PTPRF: variants seen among roughly 807,000 people sequenced by gnomAD.
PTPRF encodes the protein protein tyrosine phosphatase receptor type F.
In PTPRF, 59 loss-of-function variants were observed where a neutral mutation model predicts 201.8. The ratio of observed to expected loss-of-function variants is 0.29; its 90% CI spans 0.24 to 0.36. The LOEUF (loss-of-function observed/expected upper bound fraction) is 0.36, where lower values mean the gene tolerates loss of function less well. PTPRF is among the 10% of genes least tolerant of loss of function. PTPRF has a pLI of 1.00. For missense variants in PTPRF, 2,132 were observed against 2,690.5 expected (o/e 0.79, Z 4.59); for synonymous variants, 1,088 against 1,089.7 (o/e 1.00, Z 0.03).
rs1378106856 is a variant in PTPRF, at chr1:43,553,413, C to T, written c.92-79C>T. 6.8e-7 allele frequency: 1 copy of T among 1,466,346 alleles called. No homozygotes were observed. The highest frequency in any genetic ancestry group is 1.4e-5 in the African/African-American group (1 of 70,888). The allele number at this position is 1,466,346 out of a possible 1,614,324, so 90.8% of individuals were successfully genotyped here. ...TTTCTTTGTAGGTCTTTCTCTCTGCCCCCATGACTGCCACCTTCCTCACTG... is the reference window on the plus strand; with the variant it reads ...TTTCTTTGTAGGTCTTTCTCTCTGCTCCCATGACTGCCACCTTCCTCACTG... On this transcript the variant is annotated intron_variant, in intron 3 of 33. Coordinates refer to ENST00000359947, the MANE Select transcript of PTPRF (RefSeq NM_002840.5). This position sits in a 1 kb window ranked among gnomAD's most constrained non-coding sequence, Gnocchi z 4.1.
intron 5 of PTPRF, among the ~76,000 whole-genome samples, chr1:43,558,434 C>T (rs1645545942): frequency 6.6e-6 from 1 of 152,124 alleles, no homozygotes. Context: ...CACCTCGCAT[C>T]TGAGCAGGAT....
In PTPRF at chr1:43,597,870, T is replaced by C; in HGVS notation, c.1936T>C (p.Tyr646His). The change falls in exon 12 of 34, where the codon TAC (tyrosine) becomes CAC (histidine). Residue 646 changes from tyrosine to histidine, a missense_variant. Physicochemically the swap from Tyr to His is moderately conservative, Grantham distance 83 (BLOSUM62 2). Transcript: ENST00000359947. ...CGTTATCACCCAGTACTCCGTGGCC[T>C]ACGAGGCGGTGGACGGCGAGGACCG... ...NGVITQYSVA[Y>H]EAVDGEDRGR... The C allele has an allele frequency of 1.2e-6, 2 of 1,608,638 alleles. No individual in the cohort carries two copies. The highest frequency in any genetic ancestry group is 1.7e-6 in the Non-Finnish European group (2 of 1,178,064).
chr1:43,566,036 C>A (rs1038684332), intron 5 of PTPRF, among the ~76,000 whole-genome samples: 1 of 152,210 alleles, frequency 6.6e-6, no homozygotes, highest in East Asian at 1.9e-4. Context: ...TTGCGACTGT[C>A]CACGTGTGGG....
intron 21 of PTPRF, among the ~76,000 whole-genome samples, chr1:43,607,453 G>C (rs1401978019): frequency 6.6e-6 from 1 of 152,186 alleles, no homozygotes; most frequent in Non-Finnish European, 1.5e-5. Flanking sequence ...GGCCTGCTGT[G>C]CCCGTGCCAT....
chr1:43,620,429 T>G (rs1658933376), intron 30 of PTPRF, 25 bp from the exon 31 acceptor site: 1 of 1,597,572 alleles, frequency 6.3e-7, no homozygotes, highest in Non-Finnish European at 8.6e-7. Context: ...CACCTGATTA[T>G]GGGGGCCCGA....
At position 43,541,455 on chromosome 1, in the gene PTPRF, C is replaced by T. The variant is rs917096223; in HGVS notation, c.-46+3178C>T. On this transcript the variant is annotated intron_variant, in intron 2 of 33. Transcript: ENST00000359947. ...GTGAATCTTCTGTGACGTTCATATG[C>T]GAATGCTGTGGCTTGGTCTAGTGCC... Among the ~76,000 whole-genome samples, 151 of 152,240 alleles carry T rather than the reference C, an allele frequency of 9.9e-4. 2 individuals carry two copies. Among genetic ancestry groups the T allele is most frequent in the Non-Finnish European group, 3.1e-4 (21 of 68,018 alleles).
chr1:43,568,044 C>T lies in PTPRF; in HGVS notation c.380-1546C>T, dbSNP rs376291966. 4.6e-5 allele frequency among the ~76,000 whole-genome samples: 7 copies of T among 152,186 alleles called. No individual in the cohort carries two copies. The East Asian group carries it at 1.2e-3, about 25-fold the overall frequency. ...GGCCTGGTGGCTCACAGCTGTAATC[C>T]CAGCACTTTGGGAGGCCGAGGCGGG... On this transcript the variant is annotated intron_variant, in intron 5 of 33. Coordinates refer to ENST00000359947, the MANE Select transcript of PTPRF (RefSeq NM_002840.5).
chr1:43,614,110 AC>A (rs1338156022), intron 23 of PTPRF, among the ~76,000 whole-genome samples: 1 of 152,226 alleles, frequency 6.6e-6, no homozygotes, highest in African/African-American at 2.4e-5. Context: ...CGGTCTGGGC[AC>A]TTGGCATGCA....
Position 43,591,870 on chromosome 1 carries a change from C to G in PTPRF, c.1590C>G (p.Leu530=). ...TGGAGTCGGACACCAGGATCCAGCT[C>G]TCGTGGCTGCTGCCCCCTCAGGAGC... ...AEVESDTRIQ[L]SWLLPPQERI... is the part of the protein sequence containing the mutation. Residue 530 remains leucine (L), a synonymous_variant, in exon 10 of 34, where the codon CTC becomes CTG. Coordinates refer to ENST00000359947, the MANE Select transcript of PTPRF (RefSeq NM_002840.5). 6.2e-7 allele frequency: 1 copy of G among 1,613,538 alleles called. No homozygotes were observed.
intron 5 of PTPRF, among the ~76,000 whole-genome samples, chr1:43,557,437 C>G (rs1645454642): frequency 6.6e-6 from 1 of 152,136 alleles, no homozygotes; most frequent in African/African-American, 2.4e-5. Flanking sequence ...AGTTCGAGAC[C>G]AGCCTGGCCA....
chr1:43,605,419 A>G lies in PTPRF; in HGVS notation c.3365A>G (p.His1122Arg). 1.9e-6 allele frequency: 3 copies of G among 1,611,598 alleles called. No homozygotes were observed. The highest frequency in any genetic ancestry group is 2.5e-6 in the Non-Finnish European group (3 of 1,177,958). The change falls in exon 18 of 34, where the codon CAT (histidine) becomes CGT (arginine). Residue 1122 changes from histidine (H) to arginine (R), a missense_variant. By Grantham distance (29) the His-to-Arg change is conservative. Around this residue, in one of 6 missense-constraint regions of PTPRF, gnomAD observed 818 missense variants for 915.3 expected, o/e 0.89. Coordinates refer to ENST00000359947, the MANE Select transcript of PTPRF (RefSeq NM_002840.5). ...EDGRFDLSMP[H>R]VQDPSLVRWF... ...GGCCGCTTCGATCTCTCCATGCCCC[A>G]TGTGCAAGACCCCTCGCTTGTCAGG...
In PTPRF at chr1:43,548,890, A is replaced by G. The variant is rs192051974; in HGVS notation, c.91+3724A>G. On this transcript the variant is annotated intron_variant, in intron 3 of 33. Coordinates refer to ENST00000359947, the MANE Select transcript of PTPRF (RefSeq NM_002840.5). ...ACAAAATAGCAGTCAGTCTCTCCAT[A>G]GAAGAGCCTTGATGGTGGCCCAGTT... Among the ~76,000 whole-genome samples the G allele has an allele frequency of 5.3e-5, 8 of 152,322 alleles. No homozygotes were observed. The East Asian group carries it at 1.5e-3, about 29-fold the overall frequency.
rs2842181 is a variant in PTPRF, at chr1:43,554,857, C to T, written c.379+916C>T. 0.3 allele frequency among the ~76,000 whole-genome samples: 39,960 copies of T among 132,856 alleles called. 6,597 individuals are homozygous for T. Among genetic ancestry groups the T allele is most frequent in the African/African-American group, 0.47 (15,318 of 32,778 alleles). The allele number at this position is 132,856 out of a possible 152,430, so 87.2% of individuals were successfully genotyped here. ...TTTTTTTTCTTTTCTTTCTTTCTTTCTTTTTTTTTTTTTGAGATGCAGTCT... is the reference window on the plus strand; with the variant it reads ...TTTTTTTTCTTTTCTTTCTTTCTTTTTTTTTTTTTTTTTGAGATGCAGTCT... On this transcript the variant is annotated intron_variant, in intron 5 of 33. Transcript: ENST00000359947. This position sits in a 1 kb window ranked among gnomAD's most constrained non-coding sequence, Gnocchi z 4.1.
chr1:43,557,723 T>C lies in PTPRF; in HGVS notation c.379+3782T>C, dbSNP rs1404326518. Among the ~76,000 whole-genome samples the C allele has an allele frequency of 2.0e-5, 3 of 151,358 alleles. No homozygotes were observed. In the East Asian group the frequency reaches 5.9e-4, roughly 30 times the overall value. ...AGTATATGTTTGCGCTTCTGGGGTG[T>C]GAGAAGTGTCTGATGAGGCTGGGGA... On this transcript the variant is annotated intron_variant, in intron 5 of 33. Transcript: ENST00000359947.
chr1:43,570,353 G>C (rs1022175079), intron 6 of PTPRF, among the ~76,000 whole-genome samples: 1 of 152,234 alleles, frequency 6.6e-6, no homozygotes, highest in African/African-American at 2.4e-5. Flanking sequence ...CCCATTGATC[G>C]ATCTGCCTGT....
intron 6 of PTPRF, among the ~76,000 whole-genome samples, chr1:43,576,509 C>G (rs1161741550): frequency 2.0e-5 from 3 of 152,186 alleles, no homozygotes; most frequent in Admixed American, 2.0e-4. Context: ...AACTCCATCA[C>G]CTGACCTGTC....
intron 19 of PTPRF, 21 bp downstream of exon 19, chr1:43,605,643 G>T: frequency 1.9e-6 from 3 of 1,605,426 alleles, no homozygotes; most frequent in Non-Finnish European, 2.6e-6. Flanking sequence ...AGGGGATGGG[G>T]ACACTGACAG....
intron 1 of PTPRF, among the ~76,000 whole-genome samples, chr1:43,535,881 C>T (rs925316964): frequency 6.6e-6 from 1 of 152,106 alleles, no homozygotes; most frequent in African/African-American, 2.4e-5. Context: ...CTCAAGTGAT[C>T]CTCCCACCTC....
intron 5 of PTPRF, 40 bp from the exon 6 acceptor site, chr1:43,569,550 C>G: frequency 6.5e-7 from 1 of 1,543,768 alleles, no homozygotes; most frequent in Non-Finnish European, 8.8e-7. Flanking sequence ...AGGGGGCAGG[C>G]AGAGCCAGCC....
Sources: gnomAD v4.1 joint callset for allele counts (sites outside exome capture counted in the v4.1 genomes callset) on GRCh38, gnomAD v4.1.1 for gene constraint, gnomAD v4.1.1 regional missense constraint, Gnocchi (gnomAD v3.1) non-coding constraint, MANE v1.5 for transcripts, NCBI Gene and HGNC (gene_info 2026-07-23, HGNC 2026-07-21) for gene names.